Variants in MYLK4 observed in about 807,000 individuals in gnomAD.
MYLK4 encodes myosin light chain kinase family member 4.
Under a neutral mutation model 48.1 loss-of-function variants are expected in MYLK4, and 46 were observed. The ratio of observed to expected loss-of-function variants is 0.96; its 90% CI spans 0.75 to 1.22. The LOEUF (loss-of-function observed/expected upper bound fraction) is 1.22. Among genes scored for constraint, MYLK4 ranks in the 50% most tolerant of loss-of-function variants. MYLK4 has a pLI of 0.00. For missense variants in MYLK4, 451 were observed against 486.1 expected (o/e 0.93, Z 0.68); for synonymous variants, 170 against 180.8 (o/e 0.94, Z 0.48).
chr6:2,715,385 T>C (rs1762832132), intron 2 of MYLK4, among the ~76,000 whole-genome samples: 1 of 152,198 alleles, frequency 6.6e-6, no homozygotes, highest in South Asian at 2.1e-4. Context: ...GGACACTTAA[T>C]GGTTAAAACG....
At chr6:2,731,587 G>T (rs1763481686) in intron 2 of MYLK4, among the ~76,000 whole-genome samples, 1 of 152,128 alleles carries the variant, frequency 6.6e-6, no homozygotes. Context: ...AAATTCCCCT[G>T]CTCTGGACTC....
At chr6:2,763,892 A>G in the MYLK4 span, among the ~76,000 whole-genome samples, 1 of 152,166 alleles carries the variant, frequency 6.6e-6, no homozygotes, top group African/African-American at 2.4e-5. Flanking sequence ...CATGCCTGTA[A>G]TCCCAGCACT....
chr6:2,763,681 G>A, the MYLK4 span, among the ~76,000 whole-genome samples: 2 of 152,248 alleles, frequency 1.3e-5, no homozygotes, highest in East Asian at 1.9e-4. Context: ...GAGGGAGCCA[G>A]CTCCGGCCTT....
At chr6:2,762,467 A>T in the MYLK4 span, among the ~76,000 whole-genome samples, 2 of 152,220 alleles carry the variant, frequency 1.3e-5, no homozygotes, top group African/African-American at 4.8e-5. Flanking sequence ...TTTCCATTTT[A>T]AAATTTTTTG....
At chr6:2,752,572 G>A (rs959837705), upstream of MYLK4, among the ~76,000 whole-genome samples, 7 of 152,226 alleles carry the variant, frequency 4.6e-5, no homozygotes, top group East Asian at 1.4e-3. Context: ...AACTGAGATG[G>A]AGACGGCTGT....
chr6:2,735,315 G>T (rs1319366917), intron 2 of MYLK4, among the ~76,000 whole-genome samples: 1 of 152,132 alleles, frequency 6.6e-6, no homozygotes, highest in Non-Finnish European at 1.5e-5. Context: ...GGCATGTCAG[G>T]CCACTTTGAC....
chr6:2,752,903 T>A (rs1263891116), upstream of MYLK4, among the ~76,000 whole-genome samples: 2 of 152,308 alleles, frequency 1.3e-5, no homozygotes, highest in Non-Finnish European at 2.9e-5. Context: ...TCCGATGGCA[T>A]ACAGGACAAG....
chr6:2,762,806 G>A, the MYLK4 span, among the ~76,000 whole-genome samples: 8 of 152,270 alleles, frequency 5.3e-5, no homozygotes, highest in East Asian at 1.9e-4. Flanking sequence ...CCTTCCCGGA[G>A]ACCGTTAGAG....
chr6:2,716,896 T>C (rs1182841931), intron 2 of MYLK4, among the ~76,000 whole-genome samples: 2 of 152,252 alleles, frequency 1.3e-5, no homozygotes, highest in Admixed American at 1.3e-4. Context: ...TAATGCCTGA[T>C]GTTACTATAG....
the MYLK4 span, chr6:2,765,605 G>A: frequency 1.3e-6 from 2 of 1,500,648 alleles, no homozygotes; most frequent in African/African-American, 1.5e-5. Context: ...CCGGGCGCCG[G>A]GGAGGGCGGC....
chr6:2,733,573 G>A (rs1763554373), intron 2 of MYLK4, among the ~76,000 whole-genome samples: 1 of 152,190 alleles, frequency 6.6e-6, no homozygotes, highest in African/African-American at 2.4e-5. Flanking sequence ...CTGTAAGAGG[G>A]AGGGGCAATG....
At chr6:2,766,938 TTTATTC>T in the MYLK4 span, among the ~76,000 whole-genome samples, 1 of 152,244 alleles carries the variant, frequency 6.6e-6, no homozygotes, top group Non-Finnish European at 1.5e-5. Flanking sequence ...CAGACTGGTA[TTTATTC>T]TTAAGAATAA....
intron 2 of MYLK4, among the ~76,000 whole-genome samples, chr6:2,729,497 C>T (rs1763402124): frequency 6.6e-6 from 1 of 152,224 alleles, no homozygotes; most frequent in Non-Finnish European, 1.5e-5. Context: ...TAAACACGAT[C>T]CACCATTATC....
chr6:2,680,126 G>T, intron 8 of MYLK4, 95 bp downstream of exon 8: 2 of 1,347,666 alleles, frequency 1.5e-6, no homozygotes, highest in Non-Finnish European at 2.0e-6. Context: ...ATGAGATCAT[G>T]AAACCAAAGA....
intron 7 of MYLK4, among the ~76,000 whole-genome samples, chr6:2,682,700 C>G (rs539152718): frequency 6.6e-6 from 1 of 152,198 alleles, no homozygotes; most frequent in South Asian, 2.1e-4. Flanking sequence ...CCTACTTGTC[C>G]TGATGAGAGG....
At chr6:2,766,049 C>T in the MYLK4 span, 6 of 1,295,658 alleles carry the variant, frequency 4.6e-6, no homozygotes, top group African/African-American at 1.5e-5. Context: ...GGGGAAGAGG[C>T]CGGCGGCCGC....
intron 2 of MYLK4, 52 bp from the exon 3 acceptor site, chr6:2,692,911 C>A: frequency 2.0e-6 from 3 of 1,521,314 alleles, no homozygotes; most frequent in African/African-American, 1.4e-5. Context: ...CTGGGCTTTT[C>A]AACCTCAGCA....
intron 2 of MYLK4, among the ~76,000 whole-genome samples, chr6:2,706,678 C>T (rs548084051): frequency 1.3e-5 from 2 of 152,226 alleles, no homozygotes; most frequent in African/African-American, 2.4e-5. Flanking sequence ...GGCAGAGGGC[C>T]CCACTTGAAA....
At chr6:2,689,675 C>T (rs1761700823) in intron 3 of MYLK4, among the ~76,000 whole-genome samples, 2 of 152,210 alleles carry the variant, frequency 1.3e-5, no homozygotes, top group South Asian at 4.1e-4. Context: ...TCCATGACTA[C>T]TGCTGTTGAA....
Sources: gnomAD v4.1 joint callset for allele counts (sites outside exome capture counted in the v4.1 genomes callset) on GRCh38, gnomAD v4.1.1 for gene constraint, MANE v1.5 for transcripts, NCBI Gene and HGNC (gene_info 2026-07-23, HGNC 2026-07-21) for gene names.